Variants in EBF2 observed in about 807,000 individuals in gnomAD.
The protein encoded by EBF2 is transcription factor COE2.
Under a neutral mutation model 72.8 loss-of-function variants are expected in EBF2, and 21 were observed. That is an observed-to-expected ratio of 0.29 (90% CI 0.20 to 0.42). The LOEUF is 0.42. Among genes scored for constraint, EBF2 ranks in the 10% least tolerant of loss-of-function variants. The probability of loss-of-function intolerance (pLI) is 1.00; values close to 1 mark genes in which losing one functional copy is unlikely to be tolerated. For synonymous variants in EBF2, 299 were observed against 274.2 expected, an observed-to-expected ratio of 1.09 and a Z score of -0.89; for missense variants, 637 against 731.2, an observed-to-expected ratio of 0.87 and a Z score of 1.49.
Position 26,044,654 on chromosome 8 carries a change from G to A in EBF2, c.131+75C>T, listed in dbSNP as rs567838726. 2 of 1,532,490 alleles carry A rather than the reference G, an allele frequency of 1.3e-6. No individual in the cohort carries two copies. Among genetic ancestry groups the A allele is most frequent in the African/African-American group, 1.6e-5 (1 of 64,394 alleles). The allele number at this position is 1,532,490 out of a possible 1,614,324, so 94.9% of individuals were successfully genotyped here. A position where few individuals can be genotyped will look rare whatever the true frequency, so the allele number is the denominator to read the frequency against. On this transcript the variant is annotated intron_variant, in intron 1 of 15. Transcript: ENST00000520164. The surrounding 1 kb of genome is among the most constrained non-coding windows in gnomAD (Gnocchi z 4.1). ...AGGGAGAGAGAAAGGCACGGGGTGC[G>A]CGGGGGGGGTGCACACGGAGAGACA...
intron 6 of EBF2, among the ~76,000 whole-genome samples, chr8:25,998,295 G>T (rs1001392241): frequency 1.3e-5 from 2 of 152,126 alleles, no homozygotes; most frequent in Non-Finnish European, 2.9e-5. Context: ...CCAGATGGGT[G>T]GTTCAAGCAA....
intron 5 of EBF2, among the ~76,000 whole-genome samples, chr8:26,036,606 G>A (rs1805505424): frequency 6.6e-6 from 1 of 151,876 alleles, no homozygotes; most frequent in African/African-American, 2.4e-5. Flanking sequence ...GTTTTTAACG[G>A]CATTCAGTCC....
At chr8:25,855,358 C>T (rs1802066705) in intron 14 of EBF2, among the ~76,000 whole-genome samples, 2 of 152,118 alleles carry the variant, frequency 1.3e-5, no homozygotes, top group African/African-American at 4.8e-5. Context: ...GAACTTGGCA[C>T]ACTGCTACTG....
intron 6 of EBF2, among the ~76,000 whole-genome samples, chr8:25,923,574 A>G (rs1409962864): frequency 2.6e-5 from 4 of 152,090 alleles, no homozygotes; most frequent in African/African-American, 9.7e-5. Context: ...GCCTGCTTCA[A>G]GTTTTGTTTT....
intron 6 of EBF2, among the ~76,000 whole-genome samples, chr8:25,978,064 G>C (rs1804297066): frequency 6.6e-6 from 1 of 152,096 alleles, no homozygotes; most frequent in Non-Finnish European, 1.5e-5. Flanking sequence ...CAGGCTGCTG[G>C]ACAGCCCCAG....
At chr8:26,024,873 T>G (rs117384306) in intron 6 of EBF2, among the ~76,000 whole-genome samples, 2,099 of 152,254 alleles carry the variant, frequency 0.014, 25 homozygotes, top group Middle Eastern at 0.055. Context: ...CTAATAAATA[T>G]TGGCATCAAG....
intron 6 of EBF2, among the ~76,000 whole-genome samples, chr8:25,943,311 C>CAAAAGAAA (rs1803710087): frequency 5.1e-5 from 3 of 59,134 alleles, no homozygotes; most frequent in Non-Finnish European, 1.2e-4. Flanking sequence ...TGTCTCTACA[C>CAAAAGAAA]AAAAAAAAAA....
At chr8:26,037,134 AC>A (rs1349384298) in intron 5 of EBF2, among the ~76,000 whole-genome samples, 2 of 152,010 alleles carry the variant, frequency 1.3e-5, no homozygotes, top group African/African-American at 4.8e-5. Flanking sequence ...CCCCATCTCC[AC>A]CCGGAGTCTT....
intron 10 of EBF2, among the ~76,000 whole-genome samples, chr8:25,884,608 T>C (rs943335012): frequency 6.6e-6 from 1 of 152,196 alleles, no homozygotes; most frequent in African/African-American, 2.4e-5. Flanking sequence ...GTTGGGGGAC[T>C]TTACCTTCCT....
chr8:25,880,611 T>A (rs993642510), intron 10 of EBF2, among the ~76,000 whole-genome samples: 1 of 152,190 alleles, frequency 6.6e-6, no homozygotes, highest in Admixed American at 6.5e-5. Context: ...TTTCTATATG[T>A]TCCTACAAAG....
chr8:26,031,366 A>G (rs1297995274), intron 6 of EBF2: 1 of 151,864 alleles, frequency 6.6e-6, no homozygotes, highest in Admixed American at 6.6e-5. Context: ...GGTTGTGGCC[A>G]TGGAGAGAAG....
chr8:26,040,778 G>C (rs912428301), intron 3 of EBF2, 107 bp from the exon 4 acceptor site: 2 of 1,486,520 alleles, frequency 1.3e-6, no homozygotes, highest in Non-Finnish European at 1.8e-6. Context: ...TCCATGCTGA[G>C]CCGCCCTGGA....
intron 10 of EBF2, among the ~76,000 whole-genome samples, chr8:25,875,936 A>T (rs959356752): frequency 6.6e-6 from 1 of 152,210 alleles, no homozygotes; most frequent in Non-Finnish European, 1.5e-5. Context: ...AATATAAATC[A>T]TTCTATTATA....
chr8:25,972,966 C>CA (rs1804214183), intron 6 of EBF2, among the ~76,000 whole-genome samples: 1 of 151,772 alleles, frequency 6.6e-6, no homozygotes, highest in Non-Finnish European at 1.5e-5. Context: ...AACTCCCACC[C>CA]ACCCTTGTCC....
intron 7 of EBF2, among the ~76,000 whole-genome samples, chr8:25,899,288 A>T (rs7014899): frequency 6.6e-6 from 1 of 151,012 alleles, no homozygotes; most frequent in Admixed American, 6.6e-5. Flanking sequence ...TTTCTTAACT[A>T]GGACTATCTG....
rs1007428334 is a variant in EBF2, at chr8:25,842,642, A to C, written c.*1967T>G. ...TATTTTGGCGCTTTAAGCCCTGACT[A>C]TGAGGGACTGTCAGCAGTAGTTATA... is the stretch of plus-strand genomic sequence containing the variant. On this transcript the variant is annotated 3_prime_UTR_variant, in exon 16 of 16. Transcript: ENST00000520164. The C allele has an allele frequency of 1.3e-5, 2 of 152,068 alleles. No homozygotes were observed. The highest frequency in any genetic ancestry group is 4.8e-5 in the African/African-American group (2 of 41,414). 9.4% of individuals were successfully genotyped at this position (152,068 alleles called of 1,614,324 possible).
At chr8:26,019,308 A>AT (rs1297070158) in intron 6 of EBF2, among the ~76,000 whole-genome samples, 1 of 151,990 alleles carries the variant, frequency 6.6e-6, no homozygotes, top group African/African-American at 2.4e-5. Context: ...AAAAAAAAAA[A>AT]AGGTTGGCTT....
intron 6 of EBF2, among the ~76,000 whole-genome samples, chr8:26,001,014 T>G (rs1804714734): frequency 6.6e-6 from 1 of 152,146 alleles, no homozygotes; most frequent in Non-Finnish European, 1.5e-5. Context: ...AACATAAGCT[T>G]GAGATACAAT....
At chr8:25,854,116 T>A (rs905453411) in intron 14 of EBF2, among the ~76,000 whole-genome samples, 1 of 151,836 alleles carries the variant, frequency 6.6e-6, no homozygotes, top group Non-Finnish European at 1.5e-5. Context: ...TGGGAAGAAA[T>A]AATACAATCC....
Sources: gnomAD v4.1 joint callset for allele counts (sites outside exome capture counted in the v4.1 genomes callset) on GRCh38, gnomAD v4.1.1 for gene constraint, Gnocchi (gnomAD v3.1) non-coding constraint, MANE v1.5 for transcripts, NCBI Gene and HGNC (gene_info 2026-07-23, HGNC 2026-07-21) for gene names.